RANBP2: variants seen among roughly 807,000 people sequenced by gnomAD.
RANBP2 encodes RAN binding protein 2, also known as E3 SUMO-protein ligase RanBP2.
In RANBP2, 57 loss-of-function variants were observed where a neutral mutation model predicts 303.6. That is an observed-to-expected ratio of 0.19 (90% CI 0.15 to 0.23). The LOEUF (loss-of-function observed/expected upper bound fraction) is 0.23, where lower values mean the gene tolerates loss of function less well. Ranked by LOEUF, RANBP2 falls within the 10% of genes least tolerant of loss-of-function variation. The probability of loss-of-function intolerance (pLI) is 1.00; values close to 1 mark genes in which losing one functional copy is unlikely to be tolerated. For missense variants in RANBP2, 3,138 were observed against 3,780.8 expected (o/e 0.83, Z 4.46); for synonymous variants, 1,167 against 1,301.5 (o/e 0.90, Z 2.23).
the RANBP2 span, chr2:108,929,531 C>G: frequency 2.5e-6 from 2 of 794,850 alleles, no homozygotes; most frequent in Admixed American, 2.0e-5. Flanking sequence ...ACTGCAAAAC[C>G]CCCCAGGAAC....
the RANBP2 span, among the ~76,000 whole-genome samples, chr2:109,339,854 C>T: frequency 6.6e-6 from 1 of 152,170 alleles, no homozygotes; most frequent in South Asian, 2.1e-4. Flanking sequence ...ATGACTGACC[C>T]ACAGCTGCCC....
At chr2:109,487,753 C>T in the RANBP2 span, among the ~76,000 whole-genome samples, 53 of 152,282 alleles carry the variant, frequency 3.5e-4, no homozygotes, top group African/African-American at 1.2e-3. Flanking sequence ...ATCTGCCCAC[C>T]GAGTCCCTCT....
the RANBP2 span, among the ~76,000 whole-genome samples, chr2:109,480,865 G>A: frequency 2.0e-5 from 3 of 152,264 alleles, no homozygotes; most frequent in South Asian, 2.1e-4. Context: ...TGGAGCTTGG[G>A]GCATCTGTGG....
At chr2:108,824,497 C>T in the RANBP2 span, among the ~76,000 whole-genome samples, 2 of 152,114 alleles carry the variant, frequency 1.3e-5, no homozygotes, top group African/African-American at 4.8e-5. Flanking sequence ...GGAAGGTCTT[C>T]GGGGCAATAA....
the RANBP2 span, among the ~76,000 whole-genome samples, chr2:108,876,871 C>T: frequency 6.6e-6 from 1 of 152,128 alleles, no homozygotes; most frequent in African/African-American, 2.4e-5. Flanking sequence ...CAAAAATAAT[C>T]GTCCTGTTAC....
At chr2:108,936,963 T>G in the RANBP2 span, among the ~76,000 whole-genome samples, 8 of 152,068 alleles carry the variant, frequency 5.3e-5, no homozygotes, top group Admixed American at 5.2e-4. Context: ...TCCCACAAAT[T>G]AAATAGCCGG....
At chr2:109,605,392 C>T in the RANBP2 span, 2 of 152,124 alleles carry the variant, frequency 1.3e-5, no homozygotes, top group Non-Finnish European at 2.9e-5. Flanking sequence ...ATCGTTTGAA[C>T]CCGGGAAATG....
chr2:109,271,948 T>G, the RANBP2 span, among the ~76,000 whole-genome samples: 1 of 152,238 alleles, frequency 6.6e-6, no homozygotes, highest in Non-Finnish European at 1.5e-5. Flanking sequence ...TTGTGTGTGT[T>G]CTTTCAACAT....
chr2:109,085,934 C>T, the RANBP2 span, among the ~76,000 whole-genome samples: 5,222 of 152,190 alleles, frequency 0.034, 127 homozygotes, highest in Non-Finnish European at 0.052. Context: ...TGCACAGTTC[C>T]GTGGCATTAA....
the RANBP2 span, among the ~76,000 whole-genome samples, chr2:109,521,837 T>G: frequency 6.6e-6 from 1 of 152,132 alleles, no homozygotes; most frequent in Non-Finnish European, 1.5e-5. Context: ...GCTCATTACC[T>G]AAGTACCTCT....
At chr2:108,997,459 A>AAAAAAG in the RANBP2 span, among the ~76,000 whole-genome samples, 34 of 131,462 alleles carry the variant, frequency 2.6e-4, no homozygotes, top group East Asian at 1.9e-3. Context: ...AAAAAAAAAA[A>AAAAAAG]AAAAGATGAT....
chr2:109,750,698 T>TATAATAATA, the RANBP2 span, among the ~76,000 whole-genome samples: 419 of 100,406 alleles, frequency 4.2e-3, 64 homozygotes, highest in Admixed American at 7.2e-3. Flanking sequence ...GAATCACTAC[T>TATAATAATA]ATAATAATAA....
the RANBP2 span, among the ~76,000 whole-genome samples, chr2:108,877,918 A>G: frequency 6.6e-6 from 1 of 152,238 alleles, no homozygotes; most frequent in African/African-American, 2.4e-5. Context: ...CTAGCCTTAT[A>G]GAATGCTGGA....
At chr2:109,299,711 GA>G in the RANBP2 span, among the ~76,000 whole-genome samples, 1 of 152,170 alleles carries the variant, frequency 6.6e-6, no homozygotes, top group Non-Finnish European at 1.5e-5. Flanking sequence ...TAATCAGGGG[GA>G]TAAAGAAAGA....
the RANBP2 span, among the ~76,000 whole-genome samples, chr2:109,294,134 A>C: frequency 6.6e-6 from 1 of 152,164 alleles, no homozygotes; most frequent in Non-Finnish European, 1.5e-5. Flanking sequence ...CCCTCCATGT[A>C]ATCAGTTTAC....
the RANBP2 span, among the ~76,000 whole-genome samples, chr2:109,202,157 T>C: frequency 6.6e-6 from 1 of 152,148 alleles, no homozygotes; most frequent in African/African-American, 2.4e-5. Flanking sequence ...TTACAGCTTG[T>C]AGATGAACAC....
At chr2:108,818,711 ACT>A in the RANBP2 span, among the ~76,000 whole-genome samples, 1 of 151,980 alleles carries the variant, frequency 6.6e-6, no homozygotes, top group Non-Finnish European at 1.5e-5. Flanking sequence ...TTGTTATCGG[ACT>A]CTGTTAACCA....
downstream of RANBP2, chr2:108,787,031 TC>T: frequency 1.8e-6 from 1 of 556,474 alleles, no homozygotes; most frequent in Non-Finnish European, 2.7e-6. Flanking sequence ...GCCCCGGCAC[TC>T]CCGCCGTGGC....
chr2:109,400,670 A>G, the RANBP2 span, among the ~76,000 whole-genome samples: 6 of 137,242 alleles, frequency 4.4e-5, no homozygotes, highest in Non-Finnish European at 7.9e-5. Flanking sequence ...ATACATGCGC[A>G]CACACACATT....
Sources: gnomAD v4.1 joint callset for allele counts (sites outside exome capture counted in the v4.1 genomes callset) on GRCh38, gnomAD v4.1.1 for gene constraint, MANE v1.5 for transcripts, NCBI Gene and HGNC (gene_info 2026-07-23, HGNC 2026-07-21) for gene names.